The following LRRC43 variants were observed in gnomAD, a reference collection of about 807,000 sequenced individuals.
LRRC43 encodes the protein leucine-rich repeat-containing protein 43.
Under a neutral mutation model 64.3 loss-of-function variants are expected in LRRC43, and 62 were observed. That is an observed-to-expected ratio of 0.96 (90% confidence interval 0.79 to 1.19). The LOEUF (loss-of-function observed/expected upper bound fraction) is 1.19, where lower values mean the gene tolerates loss of function less well. Among genes scored for constraint, LRRC43 ranks in the 50% most tolerant of loss-of-function variants. The pLI is 0.00. For synonymous variants in LRRC43, 422 were observed against 382.3 expected (o/e 1.10, Z -1.21); for missense variants, 868 against 845.0 (o/e 1.03, Z -0.34).
chr12:122,190,542 T>C (rs1953706630), intron 5 of LRRC43, among the ~76,000 whole-genome samples, 174 bp downstream of exon 5: 3 of 152,136 alleles, frequency 2.0e-5, no homozygotes, highest in African/African-American at 7.2e-5. Context: ...AGGCTTTGAT[T>C]CCTGTGATTG....
intron 6 of LRRC43, 132 bp from the exon 7 acceptor site, chr12:122,192,613 T>G: frequency 2.0e-6 from 2 of 1,014,266 alleles, no homozygotes; most frequent in Non-Finnish European, 2.9e-6. Context: ...CCTTCCTGCC[T>G]CCTAGCGTGG....
Position 122,183,195 on chromosome 12 carries a change from T to C in LRRC43, c.51T>C (p.Pro17=), listed in dbSNP as rs1009326031. Reference sequence around the variant, plus strand: ...CCGAGTCCGAGTCTGAGGCCGGGCCTGGGACTCAGCGGCCCGGGACCGGGA... The same window carrying C: ...CCGAGTCCGAGTCTGAGGCCGGGCCCGGGACTCAGCGGCCCGGGACCGGGA... ...SESESESEAG[P]GTQRPGTGTV... The change falls in exon 1 of 12, where the codon CCT becomes CCC. Residue 17 remains proline (P), a synonymous_variant. Transcript: ENST00000339777. 4.5e-6 allele frequency: 7 copies of C among 1,562,510 alleles called. No individual in the cohort carries two copies. Among genetic ancestry groups the C allele is most frequent in the Non-Finnish European group, 6.0e-6 (7 of 1,162,128 alleles).
intron 7 of LRRC43, among the ~76,000 whole-genome samples, chr12:122,199,126 C>T (rs1000217729): frequency 2.6e-5 from 4 of 150,968 alleles, no homozygotes; most frequent in African/African-American, 9.8e-5. Flanking sequence ...ATTATTAATT[C>T]TCCTTCATGC....
At chr12:122,174,094 C>T (rs1953515253) in intron 1 of LRRC43, 4 of 1,614,028 alleles carry the variant, frequency 2.5e-6, no homozygotes, top group Non-Finnish European at 2.5e-6. Context: ...GTAGTGCTTC[C>T]AGAATCTTCC....
intron 3 of LRRC43, among the ~76,000 whole-genome samples, chr12:122,186,777 G>A (rs966122785): frequency 2.6e-5 from 4 of 152,170 alleles, no homozygotes; most frequent in Admixed American, 2.0e-4. Context: ...AAATTAGCCG[G>A]GTGTGGTGGC....
Position 122,184,106 on chromosome 12 carries a change from T to G in LRRC43, c.151-413T>G, listed in dbSNP as rs930194784. Among the ~76,000 whole-genome samples, 15 of 151,738 alleles carry G rather than the reference T, an allele frequency of 9.9e-5. No homozygotes were observed. Among genetic ancestry groups the G allele is most frequent in the African/African-American group, 3.6e-4 (15 of 41,328 alleles). On this transcript the variant is annotated intron_variant, in intron 1 of 11. Coordinates refer to ENST00000339777, the MANE Select transcript of LRRC43 (RefSeq NM_001098519.2). This position sits in a 1 kb window ranked among gnomAD's most constrained non-coding sequence, Gnocchi z 4.0. ...TATTCACTGTCTAGATTTTTTTTTT[T>G]TTTTTTGAGACGGAGTCTCGCTCTG...
chr12:122,172,264 C>T (rs1953491839), intron 1 of LRRC43: 1 of 616,784 alleles, frequency 1.6e-6, no homozygotes, highest in African/African-American at 1.8e-5. Context: ...CATCTCAGCC[C>T]TCCCGGGACT....
chr12:122,200,805 C>T lies in LRRC43; in HGVS notation c.1680C>T (p.Pro560=). ...EPPKELRQDP[P]ILQVLGRGLV... ...CCAAGGAGCTCCGGCAGGACCCCCC[C>T]ATCCTCCAGGTGCTGGGCCGGGGCC... The change falls in exon 10 of 12, where the codon CCC becomes CCT. Residue 560 remains proline, a synonymous_variant. Transcript: ENST00000339777. This position sits in a 1 kb window ranked among gnomAD's most constrained non-coding sequence, Gnocchi z 4.6. 1 of 1,613,122 alleles carries T rather than the reference C, an allele frequency of 6.2e-7. No individual in the cohort carries two copies. Among genetic ancestry groups the T allele is most frequent in the Non-Finnish European group, 8.5e-7 (1 of 1,180,020 alleles).
chr12:122,187,562 AGTC>A (rs1953659042), intron 3 of LRRC43, 136 bp from the exon 4 acceptor site: 1 of 614,598 alleles, frequency 1.6e-6, no homozygotes, highest in Non-Finnish European at 2.7e-6. Context: ...TTTAAAAGGG[AGTC>A]GGGGTGGTGC....
In LRRC43 at chr12:122,203,359, C is replaced by CA. The variant is rs1953866873; in HGVS notation, c.1888_1889insA (p.Pro630HisfsTer2). 1 of 1,613,376 alleles carries CA rather than the reference C, an allele frequency of 6.2e-7. No homozygotes were observed. On this transcript the variant is annotated frameshift_variant, in exon 12 of 12. Transcript: ENST00000339777. LOFTEE classifies it low-confidence loss of function (END_TRUNC). ...TCCGATCTACGAAGGCGATTACCACCCTGAGCCCCTGACCGTAGAGGTGCA... is the reference window on the plus strand; with the variant it reads ...TCCGATCTACGAAGGCGATTACCACCACTGAGCCCCTGACCGTAGAGGTGCA...
At position 122,190,226 on chromosome 12, in the gene LRRC43, G is replaced by T. The variant is rs761555443; in HGVS notation, c.759G>T (p.Leu253=). Residue 253 remains leucine (L), a synonymous_variant, in exon 5 of 12, where the codon CTG becomes CTT. Transcript: ENST00000339777. The stretch of plus-strand genomic sequence containing the variant: ...GGACCCTCCGGCACCTGCGACTCCT[G>T]GTGCTGCAGGGAAACCCACTGGCCT... ...SLRTLRHLRL[L]VLQGNPLALV... 1 of 1,614,158 alleles carries T rather than the reference G, an allele frequency of 6.2e-7. No homozygotes were observed. The highest frequency in any genetic ancestry group is 1.7e-5 in the Admixed American group (1 of 60,022).
At chr12:122,189,283 G>A (rs1241906624) in intron 4 of LRRC43, 2 of 365,932 alleles carry the variant, frequency 5.5e-6, no homozygotes, top group Admixed American at 6.8e-5. Flanking sequence ...CTTCCCCCGA[G>A]GAACCTGGAG....
At chr12:122,198,144 C>T (rs1953790711) in intron 7 of LRRC43, among the ~76,000 whole-genome samples, 2 of 151,980 alleles carry the variant, frequency 1.3e-5, no homozygotes, top group South Asian at 4.2e-4. Flanking sequence ...CCATGCCCGG[C>T]TAATTTTTGT....
chr12:122,181,450 G>A (rs1253559015), upstream of LRRC43, among the ~76,000 whole-genome samples: 1 of 151,156 alleles, frequency 6.6e-6, no homozygotes, highest in African/African-American at 2.4e-5. Context: ...GGCTGAGGCA[G>A]GAGAATGGCG....
chr12:122,191,177 A>G (rs1421116213), intron 5 of LRRC43, among the ~76,000 whole-genome samples: 1 of 152,080 alleles, frequency 6.6e-6, no homozygotes, highest in Non-Finnish European at 1.5e-5. Context: ...GATCAGGAAA[A>G]CAAGGCTGAA....
chr12:122,174,964 C>T (rs776377708), intron 1 of LRRC43, among the ~76,000 whole-genome samples: 31 of 151,746 alleles, frequency 2.0e-4, no homozygotes, highest in Non-Finnish European at 4.4e-4. Flanking sequence ...CTCAGCCTCC[C>T]AAGTAGCTGG....
upstream of LRRC43, among the ~76,000 whole-genome samples, chr12:122,180,513 C>T (rs553071840): frequency 7.9e-4 from 120 of 151,990 alleles, no homozygotes; most frequent in African/African-American, 2.4e-3. Flanking sequence ...AGCAAAACTC[C>T]GTCTCAAAAG....
chr12:122,190,113 T>C lies in LRRC43; in HGVS notation c.663-17T>C, dbSNP rs779263665. On this transcript the variant is annotated splice_polypyrimidine_tract_variant and intron_variant, in intron 4 of 11. Coordinates refer to ENST00000339777, the MANE Select transcript of LRRC43 (RefSeq NM_001098519.2). ...ACCTGGCTTCTTGACCCCCAGACGG[T>C]CCTGCTCACCTTCCAGGCCCAACCT... 2 of 1,606,742 alleles carry C rather than the reference T, an allele frequency of 1.2e-6. No individual in the cohort carries two copies. The highest frequency in any genetic ancestry group is 1.7e-6 in the Non-Finnish European group (2 of 1,173,406).
chr12:122,196,490 G>C (rs760412347), intron 7 of LRRC43, among the ~76,000 whole-genome samples: 1 of 152,164 alleles, frequency 6.6e-6, no homozygotes, highest in Non-Finnish European at 1.5e-5. Flanking sequence ...CTAGAGGGCT[G>C]GGCACAGTGG....
Sources: allele counts gnomAD v4.1 joint callset (sites outside exome capture counted in the v4.1 genomes callset), GRCh38; gene constraint gnomAD v4.1.1; non-coding constraint Gnocchi (gnomAD v3.1); transcripts MANE v1.5; gene names NCBI Gene and HGNC (gene_info 2026-07-23, HGNC 2026-07-21).